The following WDR88 variants were observed in gnomAD, a reference collection of about 807,000 sequenced individuals.
WDR88 encodes WD repeat domain 88.
In WDR88, 40 loss-of-function variants were observed where a neutral mutation model predicts 46.8. That is an observed-to-expected ratio of 0.86 (90% confidence interval 0.66 to 1.11). WDR88 has a LOEUF of 1.11. Among genes scored for constraint, WDR88 ranks in the 50% most tolerant of loss-of-function variants. The pLI is 0.00. For synonymous variants in WDR88, 235 were observed against 240.7 expected (o/e 0.98, Z 0.22); for missense variants, 562 against 602.4 (o/e 0.93, Z 0.70).
chr19:33,145,468 G>A (rs1431990379), intron 3 of WDR88, among the ~76,000 whole-genome samples: 2 of 152,018 alleles, frequency 1.3e-5, no homozygotes, highest in Non-Finnish European at 2.9e-5. Context: ...TTTTGAGATA[G>A]GGTCTTGCTT....
intron 6 of WDR88, among the ~76,000 whole-genome samples, chr19:33,151,525 A>C (rs564447308): frequency 6.6e-6 from 1 of 152,268 alleles, no homozygotes; most frequent in South Asian, 2.1e-4. Flanking sequence ...AATGTGAGCC[A>C]CTAGTGGAAA....
intron 10 of WDR88, among the ~76,000 whole-genome samples, chr19:33,173,234 C>T (rs1450063775): frequency 3.3e-5 from 5 of 152,032 alleles, no homozygotes; most frequent in African/African-American, 9.7e-5. Context: ...GGGATGAGAC[C>T]TGCAGGAGCA....
intron 7 of WDR88, among the ~76,000 whole-genome samples, chr19:33,156,903 G>A (rs1973746839): frequency 6.6e-6 from 1 of 152,258 alleles, no homozygotes; most frequent in African/African-American, 2.4e-5. Flanking sequence ...TACCCCCAAG[G>A]AGGCAAAGAT....
chr19:33,172,243 C>A, intron 9 of WDR88, 105 bp from the exon 10 acceptor site: 1 of 953,376 alleles, frequency 1.0e-6, no homozygotes, highest in Non-Finnish European at 1.6e-6. Flanking sequence ...GTTCCTCTGT[C>A]TTTTTGTGCC....
At chr19:33,156,303 G>T (rs1973733490) in intron 6 of WDR88, 52 bp from the exon 7 acceptor site, 1 of 1,575,624 alleles carries the variant, frequency 6.3e-7, no homozygotes, top group African/African-American at 1.3e-5. Flanking sequence ...TATGTCTTCA[G>T]GTCCTCCAGG....
intron 2 of WDR88, among the ~76,000 whole-genome samples, chr19:33,144,243 A>G (rs1973463428): frequency 6.6e-6 from 1 of 152,190 alleles, no homozygotes; most frequent in Non-Finnish European, 1.5e-5. Flanking sequence ...TCTGTCGCCC[A>G]GGCTGGAATG....
chr19:33,171,055 G>A (rs539860787), intron 9 of WDR88, among the ~76,000 whole-genome samples: 2 of 151,944 alleles, frequency 1.3e-5, no homozygotes, highest in African/African-American at 2.4e-5. Context: ...GTGCGATCTC[G>A]GCTTATTGCA....
At chr19:33,163,639 T>A (rs1414481536) in intron 8 of WDR88, among the ~76,000 whole-genome samples, 2 of 151,300 alleles carry the variant, frequency 1.3e-5, no homozygotes, top group African/African-American at 4.9e-5. Context: ...CTCTGCTCTT[T>A]CCTTTTTTTT....
At chr19:33,163,911 G>A (rs963286764) in intron 8 of WDR88, among the ~76,000 whole-genome samples, 1 of 152,052 alleles carries the variant, frequency 6.6e-6, no homozygotes, top group Non-Finnish European at 1.5e-5. Context: ...TGAGATTACA[G>A]GCATGAGCCA....
intron 8 of WDR88, among the ~76,000 whole-genome samples, chr19:33,160,726 A>G (rs1004340203): frequency 2.0e-5 from 3 of 152,174 alleles, no homozygotes; most frequent in Non-Finnish European, 4.4e-5. Flanking sequence ...ACCCATCCAC[A>G]TTGCATGGGC....
At chr19:33,166,282 CAAAAAA>C (rs34053341) in intron 9 of WDR88, among the ~76,000 whole-genome samples, 1 of 55,558 alleles carries the variant, frequency 1.8e-5, no homozygotes. Flanking sequence ...GTTGTGGTCT[CAAAAAA>C]AAAAAAAAAA....
intron 1 of WDR88, among the ~76,000 whole-genome samples, chr19:33,133,473 G>A (rs932679592): frequency 4.6e-5 from 7 of 152,056 alleles, no homozygotes; most frequent in Non-Finnish European, 5.9e-5. Flanking sequence ...ATTTGAACCC[G>A]GGAGGCAGAG....
Position 33,141,779 on chromosome 19 carries a change from C to G in WDR88, c.388-3065C>G, listed in dbSNP as rs1301115350. On this transcript the variant is annotated intron_variant, in intron 2 of 10. Transcript: ENST00000355868. ...CACTGCAACCTCTGCCTCCTGAGTT[C>G]AAGCGATTCTCCTGCCTCAGCCTCC... 3.3e-5 allele frequency among the ~76,000 whole-genome samples: 5 copies of G among 152,240 alleles called. No individual in the cohort carries two copies. In the East Asian group the frequency reaches 9.7e-4, roughly 29 times the overall value.
intron 10 of WDR88, among the ~76,000 whole-genome samples, chr19:33,173,798 C>A (rs767472817): frequency 6.6e-6 from 1 of 152,196 alleles, no homozygotes; most frequent in South Asian, 2.1e-4. Flanking sequence ...GGGGTTGGAC[C>A]GTGGGATGTA....
Position 33,141,227 on chromosome 19 carries a change from G to GTTTTTTTTTTTTTTTTTTTTTTTT in WDR88, c.387+3453_387+3454insTTTTTTTTTTTTTTTTTTTTTTTT, listed in dbSNP as rs745987290. The stretch of plus-strand genomic sequence containing the variant: ...GCTGGGATTACAGGTGTGGGAGCAT[G>GTTTTTTTTTTTTTTTTTTTTTTTT]TTTTTTTTTTTTTCTTTTTTGACAC... On this transcript the variant is annotated intron_variant, in intron 2 of 10. Transcript: ENST00000355868. Among the ~76,000 whole-genome samples, 23 of 113,396 alleles carry GTTTTTTTTTTTTTTTTTTTTTTTT rather than the reference G, an allele frequency of 2.0e-4. 6 individuals carry two copies. Among genetic ancestry groups the GTTTTTTTTTTTTTTTTTTTTTTTT allele is most frequent in the African/African-American group, 9.0e-4 (22 of 24,458 alleles). 74.4% of individuals were successfully genotyped at this position (113,396 alleles called of 152,430 possible).
intron 1 of WDR88, among the ~76,000 whole-genome samples, chr19:33,134,150 T>C (rs1973197632): frequency 6.6e-6 from 1 of 152,180 alleles, no homozygotes; most frequent in Non-Finnish European, 1.5e-5. Flanking sequence ...GGGACTTCTC[T>C]CTGCAGCCCC....
At position 33,156,430 on chromosome 19, in the gene WDR88, A is replaced by G. The variant is rs548695261; in HGVS notation, c.885A>G (p.Lys295=). ...TCCTGTGTACAAGCTCCTGGGATAA[A>G]AACTTAAAAATATGGAACGTCCACA... ...GHFLCTSSWD[K]NLKIWNVHTG... Residue 295 remains lysine (K), a synonymous_variant, in exon 7 of 11, where the codon AAA becomes AAG. Transcript: ENST00000355868. 110 of 1,614,174 alleles carry G rather than the reference A, an allele frequency of 6.8e-5. No individual in the cohort carries two copies. In the South Asian group the frequency reaches 1.2e-3, roughly 17 times the overall value.
intron 5 of WDR88, among the ~76,000 whole-genome samples, chr19:33,150,448 C>T (rs543396877): frequency 3.9e-5 from 6 of 152,204 alleles, no homozygotes; most frequent in Admixed American, 2.6e-4. Context: ...GGCCCTGTCT[C>T]AAAAATAAAA....
At chr19:33,154,955 C>CT (rs2145397348) in intron 6 of WDR88, among the ~76,000 whole-genome samples, 1 of 152,260 alleles carries the variant, frequency 6.6e-6, no homozygotes, top group South Asian at 2.1e-4. Flanking sequence ...TTTGCTCAAC[C>CT]TTTTCTTCAG....
Sources: gnomAD v4.1 joint callset for allele counts (sites outside exome capture counted in the v4.1 genomes callset) on GRCh38, gnomAD v4.1.1 for gene constraint, MANE v1.5 for transcripts, NCBI Gene and HGNC (gene_info 2026-07-23, HGNC 2026-07-21) for gene names.